The following FRMD4A variants were observed in gnomAD, a reference collection of about 807,000 sequenced individuals.
FRMD4A encodes FERM domain containing 4A.
Under a neutral mutation model 129.1 loss-of-function variants are expected in FRMD4A, and 29 were observed. The ratio of observed to expected loss-of-function variants is 0.22; its 90% CI spans 0.17 to 0.31. FRMD4A has a LOEUF of 0.31. Ranked by LOEUF, FRMD4A falls within the 10% of genes least tolerant of loss-of-function variation. The pLI, the probability that FRMD4A is intolerant of heterozygous loss-of-function variation, is 1.00. For synonymous variants in FRMD4A, 634 were observed against 571.6 expected (o/e 1.11, Z -1.56); for missense variants, 1,272 against 1,375.8 (o/e 0.92, Z 1.19).
rs894208831 is a variant in FRMD4A at position 13,971,606 on chromosome 10, C to T, written c.46-112694G>A. On this transcript the variant is annotated intron_variant, in intron 2 of 24. Transcript: ENST00000357447. Reference sequence around the variant, plus strand: ...TCATGCCCCCTTCTCCACCATTCACCACCACTTTCCCATGCTTCAAAGAAA... The same window carrying T: ...TCATGCCCCCTTCTCCACCATTCACTACCACTTTCCCATGCTTCAAAGAAA... 8.1e-6 allele frequency: 9 copies of T among 1,114,686 alleles called. No homozygotes were observed. In the Admixed American group the frequency reaches 1.8e-4, roughly 23 times the overall value. 69.0% of individuals were successfully genotyped at this position (1,114,686 alleles called of 1,614,324 possible).
intron 12 of FRMD4A, among the ~76,000 whole-genome samples, chr10:13,732,026 C>T (rs548302908): frequency 6.6e-6 from 1 of 152,288 alleles, no homozygotes; most frequent in African/African-American, 2.4e-5. Flanking sequence ...ACTCCAGCAG[C>T]TTGCATTGAG....
At chr10:13,867,540 T>C (rs1016490254) in intron 2 of FRMD4A, among the ~76,000 whole-genome samples, 1 of 147,300 alleles carries the variant, frequency 6.8e-6, no homozygotes, top group African/African-American at 2.5e-5. Context: ...GGATTACAGA[T>C]GTGAGCCACC....
chr10:13,665,873 A>G (rs1029994418), intron 18 of FRMD4A, among the ~76,000 whole-genome samples: 6 of 152,250 alleles, frequency 3.9e-5, no homozygotes, highest in African/African-American at 1.2e-4. Flanking sequence ...CAATAGTGAT[A>G]CCAACAGTTT....
chr10:14,265,994 T>C (rs1318083685), intron 2 of FRMD4A, among the ~76,000 whole-genome samples: 2 of 152,158 alleles, frequency 1.3e-5, no homozygotes, highest in Non-Finnish European at 2.9e-5. Flanking sequence ...AGGTGTCAAT[T>C]GGGCCAAAAT....
chr10:13,959,803 C>G (rs1002388565), intron 2 of FRMD4A, among the ~76,000 whole-genome samples: 6 of 152,210 alleles, frequency 3.9e-5, no homozygotes, highest in African/African-American at 1.4e-4. Flanking sequence ...AACACGGGGT[C>G]AGCTGCAATT....
chr10:14,073,034 A>G (rs1267658144), intron 2 of FRMD4A, among the ~76,000 whole-genome samples: 2 of 152,208 alleles, frequency 1.3e-5, no homozygotes, highest in Non-Finnish European at 2.9e-5. Context: ...TAAAAAAATA[A>G]TAGCTTTAGA....
At chr10:13,819,121 C>T (rs1392879892) in intron 3 of FRMD4A, among the ~76,000 whole-genome samples, 2 of 104,522 alleles carry the variant, frequency 1.9e-5, no homozygotes, top group East Asian at 5.7e-4. Context: ...GAGTGAGACT[C>T]TGTCTCAAAC....
At chr10:14,205,145 T>C (rs1842746137) in intron 2 of FRMD4A, among the ~76,000 whole-genome samples, 1 of 151,730 alleles carries the variant, frequency 6.6e-6, no homozygotes, top group Non-Finnish European at 1.5e-5. Context: ...TTTGACAACG[T>C]TAGCCATAGG....
At chr10:14,172,362 G>C (rs540361607) in intron 2 of FRMD4A, among the ~76,000 whole-genome samples, 1 of 152,284 alleles carries the variant, frequency 6.6e-6, no homozygotes, top group South Asian at 2.1e-4. Context: ...GCCATGATGT[G>C]AGTGATACTG....
At chr10:14,036,737 T>C (rs1197283591) in intron 2 of FRMD4A, among the ~76,000 whole-genome samples, 1 of 152,046 alleles carries the variant, frequency 6.6e-6, no homozygotes, top group Non-Finnish European at 1.5e-5. Context: ...CTATTGACCA[T>C]TATACTCGTC....
chr10:13,646,945 C>T lies in FRMD4A; in HGVS notation c.*93G>A, dbSNP rs1407357724. The T allele has an allele frequency of 5.5e-5, 54 of 976,036 alleles. No homozygotes were observed. The highest frequency in any genetic ancestry group is 6.5e-5 in the Non-Finnish European group (53 of 821,114). The allele number at this position is 976,036 out of a possible 1,614,324, so 60.5% of individuals were successfully genotyped here. ...AGGCCGGGCTGGCTCACACGAGGGTCCCGGGCTTGGCTTTTTCCTGCCCGT... is the reference window on the plus strand; with the variant it reads ...AGGCCGGGCTGGCTCACACGAGGGTTCCGGGCTTGGCTTTTTCCTGCCCGT... On this transcript the variant is annotated 3_prime_UTR_variant, in exon 25 of 25. Transcript: ENST00000357447.
chr10:14,025,934 G>A lies in FRMD4A; in HGVS notation c.46-167022C>T, dbSNP rs533872103. Among the ~76,000 whole-genome samples, 13 of 152,292 alleles carry A rather than the reference G, an allele frequency of 8.5e-5. No individual in the cohort carries two copies. In the East Asian group the frequency reaches 2.5e-3, roughly 29 times the overall value. On this transcript the variant is annotated intron_variant, in intron 2 of 24. Transcript: ENST00000357447. ...GCTTTGGACAGTTTTTCAGGCCTGA[G>A]AAAATCTCTCAGGGACACGTGGCTG...
intron 2 of FRMD4A, among the ~76,000 whole-genome samples, chr10:13,979,120 C>T (rs556169718): frequency 1.2e-3 from 186 of 152,252 alleles, no homozygotes; most frequent in African/African-American, 4.3e-3. Context: ...TTGGTTTCCA[C>T]GAAATTCATC....
chr10:14,241,509 T>G (rs982470724), intron 2 of FRMD4A, among the ~76,000 whole-genome samples: 3 of 151,880 alleles, frequency 2.0e-5, no homozygotes, highest in Admixed American at 1.3e-4. Flanking sequence ...TTTTTAATTC[T>G]TGGTTAAAAA....
At chr10:13,786,245 A>G (rs1273572475) in intron 5 of FRMD4A, among the ~76,000 whole-genome samples, 1 of 152,220 alleles carries the variant, frequency 6.6e-6, no homozygotes, top group Non-Finnish European at 1.5e-5. Context: ...CCAACAGTGT[A>G]AAAGTGTTCC....
chr10:13,938,979 G>A (rs2095270183), intron 2 of FRMD4A, among the ~76,000 whole-genome samples: 1 of 152,218 alleles, frequency 6.6e-6, no homozygotes, highest in South Asian at 2.1e-4. Context: ...ATAGAGGCCA[G>A]GGATGCTGTT....
intron 8 of FRMD4A, 39 bp from the exon 9 acceptor site, chr10:13,747,858 A>C (rs2091367860): frequency 1.7e-6 from 2 of 1,143,330 alleles, no homozygotes. Context: ...TCACCCTCTG[A>C]GAAAATAATC....
At chr10:13,941,798 T>G (rs945437281) in intron 2 of FRMD4A, among the ~76,000 whole-genome samples, 6 of 152,168 alleles carry the variant, frequency 3.9e-5, no homozygotes, top group Non-Finnish European at 7.3e-5. Context: ...TTTACATGGA[T>G]CTCTGAATTT....
At chr10:13,891,863 G>T in intron 2 of FRMD4A, 1 of 457,476 alleles carries the variant, frequency 2.2e-6, no homozygotes, top group Non-Finnish European at 2.8e-6. Flanking sequence ...AGTGAGCCCC[G>T]CCGCCGGCCC....
Sources: allele counts gnomAD v4.1 joint callset (sites outside exome capture counted in the v4.1 genomes callset), GRCh38; gene constraint gnomAD v4.1.1; transcripts MANE v1.5; gene names NCBI Gene and HGNC (gene_info 2026-07-23, HGNC 2026-07-21).